Variants in TMEM132B observed in about 807,000 individuals in gnomAD.
TMEM132B encodes transmembrane protein 132B.
A neutral mutation model predicts 90.8 loss-of-function variants in TMEM132B; 18 were observed. The observed-to-expected ratio is 0.20, with a 90% confidence interval of 0.14 to 0.29. The LOEUF is 0.29. TMEM132B is among the 10% of genes least tolerant of loss of function. The pLI is 1.00. For missense variants in TMEM132B, 1,096 were observed against 1,326.8 expected, an observed-to-expected ratio of 0.83 and a Z score of 2.70; for synonymous variants, 504 against 523.3, an observed-to-expected ratio of 0.96 and a Z score of 0.50.
At chr12:125,594,320 T>C (rs1885388738) in intron 5 of TMEM132B, among the ~76,000 whole-genome samples, 1 of 152,212 alleles carries the variant, frequency 6.6e-6, no homozygotes, top group African/African-American at 2.4e-5. Context: ...TCTGGGTTGT[T>C]TCTAATTTGG....
At chr12:125,254,018 G>A (rs543962554) in intron 1 of TMEM132B, among the ~76,000 whole-genome samples, 12 of 152,244 alleles carry the variant, frequency 7.9e-5, no homozygotes, top group African/African-American at 2.2e-4. Flanking sequence ...GACTGGGCGC[G>A]GTGGCTCATG....
chr12:125,540,202 T>C (rs1883917350), intron 4 of TMEM132B, among the ~76,000 whole-genome samples: 1 of 152,254 alleles, frequency 6.6e-6, no homozygotes, highest in Admixed American at 6.5e-5. Context: ...TAATTCCTTT[T>C]ATATTTATTA....
intron 3 of TMEM132B, among the ~76,000 whole-genome samples, chr12:125,516,025 ACT>A (rs749861048): frequency 1.5e-4 from 22 of 151,156 alleles, no homozygotes; most frequent in Non-Finnish European, 2.1e-4. Flanking sequence ...ACTCCCACAC[ACT>A]CTCACACCCC....
At chr12:125,345,334 G>A (rs926217129) in intron 1 of TMEM132B, among the ~76,000 whole-genome samples, 13 of 152,180 alleles carry the variant, frequency 8.5e-5, no homozygotes, top group Non-Finnish European at 1.8e-4. Flanking sequence ...CAGTGAAAGG[G>A]ACTGATTTCT....
In TMEM132B at chr12:125,332,583, CTTTTTTTTTTTTTTTTTTT is replaced by C. The variant is rs201828438; in HGVS notation, c.68-16852_68-16834del. ...CTGAGAAATTAATTCAGAGAGTTGG[CTTTTTTTTTTTTTTTTTTT>C]TTTTTTTTTTTTTTTTAAGACAGTA... On this transcript the variant is annotated intron_variant, in intron 1 of 8. Transcript: ENST00000682704. Among the ~76,000 whole-genome samples, 45 of 52,422 alleles carry C rather than the reference CTTTTTTTTTTTTTTTTTTT, an allele frequency of 8.6e-4. 1 individual carries two copies. Among genetic ancestry groups the C allele is most frequent in the South Asian group, 6.5e-3 (6 of 922 alleles). 34.4% of individuals were successfully genotyped at this position (52,422 alleles called of 152,430 possible). A position where few individuals can be genotyped will look rare whatever the true frequency, so the allele number is the denominator to read the frequency against.
chr12:125,245,712 A>T (rs1031244949), intron 1 of TMEM132B, among the ~76,000 whole-genome samples: 2 of 152,138 alleles, frequency 1.3e-5, no homozygotes, highest in Admixed American at 6.5e-5. Context: ...TAGCCCTGGG[A>T]ACAGGCCTGG....
chr12:125,592,377 ATAAT>A (rs998205050), intron 5 of TMEM132B, among the ~76,000 whole-genome samples: 1 of 152,178 alleles, frequency 6.6e-6, no homozygotes, highest in Admixed American at 6.5e-5. Flanking sequence ...TATGGCTGCA[ATAAT>A]TAAGTTTCTG....
intron 4 of TMEM132B, among the ~76,000 whole-genome samples, chr12:125,582,271 AATTATTATTATTATTATT>A (rs3042320): frequency 3.4e-5 from 5 of 145,824 alleles, no homozygotes; most frequent in South Asian, 2.2e-4. Flanking sequence ...AAGTTTTAGC[AATTATTATTATTATTATT>A]ATTATTATTA....
In TMEM132B at chr12:125,349,409, C is replaced by T. The variant is rs559541045; in HGVS notation, c.68-43C>T. Reference sequence around the variant, plus strand: ...CTGCACTGCATTTATTTCATTACATCTCAGAACACGGTTTTATTCTTTTGC... The same window carrying T: ...CTGCACTGCATTTATTTCATTACATTTCAGAACACGGTTTTATTCTTTTGC... On this transcript the variant is annotated intron_variant, in intron 1 of 8. Coordinates refer to ENST00000682704, the MANE Select transcript of TMEM132B (RefSeq NM_001366854.1). This position sits in a 1 kb window ranked among gnomAD's most constrained non-coding sequence, Gnocchi z 4.1. The T allele has an allele frequency of 1.3e-6, 2 of 1,554,732 alleles. No homozygotes were observed. Among genetic ancestry groups the T allele is most frequent in the African/African-American group, 2.7e-5 (2 of 73,258 alleles).
At chr12:125,549,389 A>T (rs1325946992) in intron 4 of TMEM132B, among the ~76,000 whole-genome samples, 1 of 152,196 alleles carries the variant, frequency 6.6e-6, no homozygotes, top group Non-Finnish European at 1.5e-5. Context: ...GATCTTTGAG[A>T]AGTTGCTAAT....
chr12:125,653,718 G>T lies in TMEM132B; in HGVS notation c.2260G>T (p.Val754Phe). Residue 754 changes from valine to phenylalanine, a missense_variant, in exon 9 of 9, where the codon GTT becomes TTT. Physicochemically the swap from Val to Phe is conservative, Grantham distance 50. Coordinates refer to ENST00000682704, the MANE Select transcript of TMEM132B (RefSeq NM_001366854.1). ...CCTTGAGTCCAAATGGCCAATTGTG[G>T]TTGCAGAGGGTGAAGGACAAGGGCC... Reference protein sequence around the residue: ...ANLESKWPIVVAEGEGQGPLI... With the variant: ...ANLESKWPIVFAEGEGQGPLI... 1.2e-6 allele frequency: 2 copies of T among 1,614,124 alleles called. No homozygotes were observed. Among genetic ancestry groups the T allele is most frequent in the Middle Eastern group, 1.6e-4 (1 of 6,062 alleles).
intron 4 of TMEM132B, among the ~76,000 whole-genome samples, chr12:125,569,049 A>G (rs1884729037): frequency 6.6e-6 from 1 of 152,098 alleles, no homozygotes; most frequent in East Asian, 1.9e-4. Flanking sequence ...CAAGAGGCTC[A>G]GTTTCCTCTT....
chr12:125,418,263 TAAAA>T (rs11314334), intron 3 of TMEM132B, among the ~76,000 whole-genome samples: 1 of 151,302 alleles, frequency 6.6e-6, no homozygotes, highest in Non-Finnish European at 1.5e-5. Context: ...TTAGAAAAGA[TAAAA>T]AAAAAGGTTA....
intron 4 of TMEM132B, among the ~76,000 whole-genome samples, chr12:125,581,523 T>C (rs1433499224): frequency 6.6e-6 from 1 of 152,144 alleles, no homozygotes; most frequent in Non-Finnish European, 1.5e-5. Flanking sequence ...TGTATTTTGG[T>C]CATGTGCTTT....
At chr12:125,556,819 A>T (rs1416393451) in intron 4 of TMEM132B, among the ~76,000 whole-genome samples, 2 of 152,066 alleles carry the variant, frequency 1.3e-5, no homozygotes, top group Non-Finnish European at 2.9e-5. Context: ...CAGTGCCACG[A>T]TCTCGGCTCG....
At chr12:125,652,112 T>C (rs1463324625) in intron 7 of TMEM132B, among the ~76,000 whole-genome samples, 1 of 152,340 alleles carries the variant, frequency 6.6e-6, no homozygotes, top group African/African-American at 2.4e-5. Context: ...TAAATATTAG[T>C]TGTTGGGAAA....
At chr12:125,538,939 C>A (rs1183493734) in intron 4 of TMEM132B, among the ~76,000 whole-genome samples, 4 of 152,128 alleles carry the variant, frequency 2.6e-5, no homozygotes. Flanking sequence ...CCAAAATATA[C>A]CCAGAGTTCA....
At chr12:125,438,908 T>C (rs1221719615) in intron 3 of TMEM132B, among the ~76,000 whole-genome samples, 1 of 152,252 alleles carries the variant, frequency 6.6e-6, no homozygotes, top group Non-Finnish European at 1.5e-5. Flanking sequence ...AGTTCTTTTA[T>C]CCCTTTGCTG....
chr12:125,434,456 C>G (rs1271987502), intron 3 of TMEM132B, among the ~76,000 whole-genome samples: 1 of 125,890 alleles, frequency 7.9e-6, no homozygotes, highest in Non-Finnish European at 1.6e-5. Context: ...TTGGCCTGTC[C>G]GGGGTCAGCT....
Sources: allele counts gnomAD v4.1 joint callset (sites outside exome capture counted in the v4.1 genomes callset), GRCh38; gene constraint gnomAD v4.1.1; non-coding constraint Gnocchi (gnomAD v3.1); transcripts MANE v1.5; gene names NCBI Gene and HGNC (gene_info 2026-07-23, HGNC 2026-07-21).